Variants in CNTNAP2 observed in about 807,000 individuals in gnomAD.
The protein encoded by CNTNAP2 is contactin-associated protein-like 2.
CNTNAP2 carries 98 observed loss-of-function variants against 155.2 expected under a neutral mutation model. The observed-to-expected ratio is 0.63, with a 90% CI of 0.54 to 0.75. The LOEUF (loss-of-function observed/expected upper bound fraction) is 0.75. Ranked by LOEUF, CNTNAP2 falls within the 30% of genes least tolerant of loss-of-function variation. The pLI is 0.00. For synonymous variants in CNTNAP2, 651 were observed against 631.2 expected (o/e 1.03, Z -0.47); for missense variants, 1,727 against 1,688.1 (o/e 1.02, Z -0.40).
At chr7:147,852,416 A>T (rs1352426893) in intron 13 of CNTNAP2, among the ~76,000 whole-genome samples, 3 of 152,204 alleles carry the variant, frequency 2.0e-5, no homozygotes, top group African/African-American at 7.2e-5. Context: ...ACTTAGCAAC[A>T]TGATTAGATG....
intron 14 of CNTNAP2, among the ~76,000 whole-genome samples, chr7:147,937,808 A>T (rs1585038336): frequency 6.6e-6 from 1 of 152,150 alleles, no homozygotes; most frequent in Non-Finnish European, 1.5e-5. Context: ...GGACTTAGAG[A>T]TTATTTCAGA....
chr7:147,366,462 C>A (rs1036685045), intron 9 of CNTNAP2, among the ~76,000 whole-genome samples: 1 of 151,656 alleles, frequency 6.6e-6, no homozygotes, highest in African/African-American at 2.4e-5. Flanking sequence ...TTTGTATTAC[C>A]TTTCCTTTAT....
chr7:146,649,804 ATTTATTTCCCAAACCATAGTC>A (rs1799874770), intron 1 of CNTNAP2, among the ~76,000 whole-genome samples: 1 of 152,100 alleles, frequency 6.6e-6, no homozygotes. Flanking sequence ...GGATATTCCT[ATTTATTTCCCAAACCATAGTC>A]TTAAACATCT....
Position 147,619,309 on chromosome 7 carries a change from G to A in CNTNAP2, c.1898-19797G>A, listed in dbSNP as rs533878563. 3.3e-5 allele frequency among the ~76,000 whole-genome samples: 5 copies of A among 152,270 alleles called. No homozygotes were observed. The East Asian group carries it at 9.6e-4, about 29-fold the overall frequency. ...ACACATATAAACACACTAAATATGG[G>A]AATAAGATTCTTAATTTTTCTACTT... is the stretch of plus-strand genomic sequence containing the variant. On this transcript the variant is annotated intron_variant, in intron 12 of 23. Coordinates refer to ENST00000361727, the MANE Select transcript of CNTNAP2 (RefSeq NM_014141.6).
chr7:146,146,574 G>A (rs944613404), intron 1 of CNTNAP2, among the ~76,000 whole-genome samples: 30 of 151,870 alleles, frequency 2.0e-4, no homozygotes, highest in African/African-American at 6.5e-4. Flanking sequence ...CTGCATTTTA[G>A]CATATGCGTT....
chr7:146,837,462 G>A (rs1364054035), intron 2 of CNTNAP2, among the ~76,000 whole-genome samples: 1 of 151,860 alleles, frequency 6.6e-6, no homozygotes, highest in Admixed American at 6.6e-5. Context: ...ATGTTTATAT[G>A]TTTTATTTTA....
intron 1 of CNTNAP2, among the ~76,000 whole-genome samples, chr7:146,332,265 G>A (rs1801200358): frequency 6.6e-6 from 1 of 151,364 alleles, no homozygotes. Context: ...TTTTATCTTG[G>A]GATTGTTTAA....
chr7:146,834,570 A>G (rs1231960686), intron 2 of CNTNAP2, among the ~76,000 whole-genome samples: 1 of 152,156 alleles, frequency 6.6e-6, no homozygotes, highest in Non-Finnish European at 1.5e-5. Context: ...GAATGAAGAA[A>G]CAGCATTCTT....
At chr7:148,273,700 T>C (rs915724322) in intron 21 of CNTNAP2, among the ~76,000 whole-genome samples, 3 of 152,204 alleles carry the variant, frequency 2.0e-5, no homozygotes, top group African/African-American at 7.2e-5. Context: ...TCAGTGGCGA[T>C]GTCTGGGGTG....
intron 3 of CNTNAP2, among the ~76,000 whole-genome samples, chr7:146,851,720 T>A (rs1446372494): frequency 6.6e-6 from 1 of 151,138 alleles, no homozygotes; most frequent in Non-Finnish European, 1.5e-5. Context: ...TATTGCTCTG[T>A]CACCCAGGCT....
At chr7:147,300,626 C>A (rs953339053) in intron 9 of CNTNAP2, among the ~76,000 whole-genome samples, 2 of 152,150 alleles carry the variant, frequency 1.3e-5, no homozygotes, top group Non-Finnish European at 2.9e-5. Flanking sequence ...ATTATTCAAA[C>A]CTTAGTGTCT....
In CNTNAP2 at chr7:148,155,152, T is replaced by C. The variant is rs76329535; in HGVS notation, c.2773+7443T>C. On this transcript the variant is annotated intron_variant, in intron 17 of 23. Transcript: ENST00000361727. ...AACATTGCTAATTCTTGTTTTATTC[T>C]CACATTAAAGATTAGTTGACTTACC... Among the ~76,000 whole-genome samples, 924 of 152,254 alleles carry C rather than the reference T, an allele frequency of 6.1e-3. 8 individuals carry two copies. Among genetic ancestry groups the C allele is most frequent in the African/African-American group, 0.021 (886 of 41,532 alleles).
chr7:147,592,853 T>C (rs1474683919), intron 12 of CNTNAP2, among the ~76,000 whole-genome samples: 2 of 152,154 alleles, frequency 1.3e-5, no homozygotes, highest in African/African-American at 2.4e-5. Context: ...GATCAAGGCT[T>C]ACTTCAAGCC....
At chr7:146,386,930 G>A (rs1452196784) in intron 1 of CNTNAP2, among the ~76,000 whole-genome samples, 1 of 152,116 alleles carries the variant, frequency 6.6e-6, no homozygotes, top group African/African-American at 2.4e-5. Context: ...ATAGAGGGAA[G>A]ACTGGACTCA....
chr7:146,265,709 C>T (rs1472982808), intron 1 of CNTNAP2, among the ~76,000 whole-genome samples: 1 of 152,150 alleles, frequency 6.6e-6, no homozygotes, highest in East Asian at 1.9e-4. Context: ...ATTCACCTAC[C>T]TTGGCCTCCC....
intron 9 of CNTNAP2, among the ~76,000 whole-genome samples, chr7:147,329,682 C>T (rs151010371): frequency 6.6e-6 from 1 of 152,276 alleles, no homozygotes; most frequent in African/African-American, 2.4e-5. Flanking sequence ...CTTCTCCAAA[C>T]TCTGGACCCT....
In CNTNAP2 at chr7:147,059,684, G is replaced by C. The variant is rs183616943; in HGVS notation, c.550+15630G>C. On this transcript the variant is annotated intron_variant, in intron 4 of 23. Transcript: ENST00000361727. ...CTGAGCAATAAGCAGCATTTATTTA[G>C]GGTGTCTGGCTCATATATATTGTGT... Among the ~76,000 whole-genome samples the C allele has an allele frequency of 1.5e-3, 232 of 152,196 alleles. 1 individual carries two copies. The highest frequency in any genetic ancestry group is 2.4e-3 in the Non-Finnish European group (166 of 67,990).
chr7:147,883,205 G>A (rs1362041900), intron 13 of CNTNAP2, among the ~76,000 whole-genome samples: 3 of 152,228 alleles, frequency 2.0e-5, no homozygotes, highest in East Asian at 3.9e-4. Flanking sequence ...CCAGCCTCAT[G>A]AGCTGACTGC....
intron 13 of CNTNAP2, among the ~76,000 whole-genome samples, chr7:147,708,979 C>G (rs577841966): frequency 5.9e-5 from 9 of 152,142 alleles, no homozygotes; most frequent in Non-Finnish European, 1.2e-4. Context: ...AAGCTAAGAA[C>G]TCCATACAGC....
Sources: allele counts gnomAD v4.1 joint callset (sites outside exome capture counted in the v4.1 genomes callset), GRCh38; gene constraint gnomAD v4.1.1; transcripts MANE v1.5; gene names NCBI Gene and HGNC (gene_info 2026-07-23, HGNC 2026-07-21).